The following JMJD1C variants were observed in gnomAD, a reference collection of about 807,000 sequenced individuals.
JMJD1C encodes the protein jumonji domain containing 1C, also known as jumonji domain-containing protein 1C.
Under a neutral mutation model 245.3 loss-of-function variants are expected in JMJD1C, and 31 were observed. The observed-to-expected ratio is 0.13, with a 90% CI of 0.09 to 0.17. The LOEUF (loss-of-function observed/expected upper bound fraction) is 0.17, where lower values mean the gene tolerates loss of function less well. Ranked by LOEUF, JMJD1C falls within the 10% of genes least tolerant of loss-of-function variation. The pLI is 1.00. For missense variants in JMJD1C, 2,691 were observed against 3,000.2 expected, an observed-to-expected ratio of 0.90 and a Z score of 2.41; for synonymous variants, 1,057 against 1,017.4, an observed-to-expected ratio of 1.04 and a Z score of -0.74.
chr10:63,421,629 CCT>C (rs1459833982), intron 1 of JMJD1C, among the ~76,000 whole-genome samples: 2 of 152,042 alleles, frequency 1.3e-5, no homozygotes, highest in African/African-American at 4.8e-5. Flanking sequence ...AGTCCTAACC[CCT>C]GATGTGTCTG....
At chr10:63,369,297 A>G (rs1351120112) in intron 2 of JMJD1C, among the ~76,000 whole-genome samples, 2 of 151,600 alleles carry the variant, frequency 1.3e-5, no homozygotes, top group African/African-American at 4.8e-5. Flanking sequence ...GTGCACCACC[A>G]CACCTGGCTA....
intron 1 of JMJD1C, among the ~76,000 whole-genome samples, chr10:63,416,818 T>C (rs912890157): frequency 6.6e-6 from 1 of 152,202 alleles, no homozygotes; most frequent in Non-Finnish European, 1.5e-5. Context: ...ACTGTATTCA[T>C]CAAATATGTA....
At chr10:63,518,082 C>A (rs533595626) in intron 1 of JMJD1C, among the ~76,000 whole-genome samples, 1 of 152,112 alleles carries the variant, frequency 6.6e-6, no homozygotes. Context: ...CATGAGCCAC[C>A]GCACCCAGCA....
At chr10:63,407,802 A>G (rs745352567) in intron 1 of JMJD1C, among the ~76,000 whole-genome samples, 1 of 151,020 alleles carries the variant, frequency 6.6e-6, no homozygotes, top group Non-Finnish European at 1.5e-5. Flanking sequence ...TCAAAATACA[A>G]CAATCTGGAG....
chr10:63,419,400 T>C (rs1222277790), intron 1 of JMJD1C, among the ~76,000 whole-genome samples: 1 of 151,192 alleles, frequency 6.6e-6, no homozygotes, highest in Non-Finnish European at 1.5e-5. Flanking sequence ...AAAAAATATA[T>C]ATATAGATAA....
intron 2 of JMJD1C, among the ~76,000 whole-genome samples, chr10:63,267,554 C>T (rs576461793): frequency 2.6e-5 from 4 of 152,148 alleles, no homozygotes; most frequent in Admixed American, 2.6e-4. Context: ...ATATATCATT[C>T]TATGAGTAAC....
At chr10:63,364,002 T>C (rs977627133) in intron 2 of JMJD1C, among the ~76,000 whole-genome samples, 2 of 151,934 alleles carry the variant, frequency 1.3e-5, no homozygotes, top group Non-Finnish European at 2.9e-5. Context: ...ATTACAGTAA[T>C]GCGCCACCAT....
intron 3 of JMJD1C, among the ~76,000 whole-genome samples, chr10:63,252,935 T>C (rs1251370235): frequency 6.6e-6 from 1 of 152,218 alleles, no homozygotes; most frequent in Non-Finnish European, 1.5e-5. Flanking sequence ...CTATATGTTA[T>C]AGCTCAGCAA....
At chr10:63,358,920 T>C (rs1448368421) in intron 2 of JMJD1C, 1 of 157,230 alleles carries the variant, frequency 6.4e-6, no homozygotes. Flanking sequence ...AAAATGAAGA[T>C]GACAGAAAAT....
intron 1 of JMJD1C, among the ~76,000 whole-genome samples, chr10:63,424,530 C>G (rs1397046747): frequency 4.1e-5 from 5 of 121,910 alleles, no homozygotes; most frequent in South Asian, 2.7e-4. Context: ...TTTTTGAGAC[C>G]GGGTCTCATT....
At chr10:63,421,746 A>G (rs549751185) in intron 1 of JMJD1C, among the ~76,000 whole-genome samples, 1 of 152,176 alleles carries the variant, frequency 6.6e-6, no homozygotes, top group Non-Finnish European at 1.5e-5. Context: ...TACTTTTAAG[A>G]GGAAGAAATA....
intron 3 of JMJD1C, among the ~76,000 whole-genome samples, chr10:63,257,618 T>C (rs1291572846): frequency 6.6e-6 from 1 of 152,236 alleles, no homozygotes; most frequent in Non-Finnish European, 1.5e-5. Context: ...AATAATTTTG[T>C]ACCTTATTGA....
At chr10:63,391,563 T>C (rs186545322) in intron 1 of JMJD1C, among the ~76,000 whole-genome samples, 16 of 151,996 alleles carry the variant, frequency 1.1e-4, no homozygotes, top group Admixed American at 8.5e-4. Context: ...CCATTTATAA[T>C]ACCTAAAGAA....
At chr10:63,489,872 C>A (rs1310364217) in intron 1 of JMJD1C, among the ~76,000 whole-genome samples, 1 of 152,164 alleles carries the variant, frequency 6.6e-6, no homozygotes, top group Non-Finnish European at 1.5e-5. Flanking sequence ...AGTACCAGTC[C>A]ATGGCTTGTT....
intron 8 of JMJD1C, among the ~76,000 whole-genome samples, chr10:63,210,295 T>C (rs1241830017): frequency 2.0e-5 from 3 of 152,108 alleles, no homozygotes; most frequent in East Asian, 1.9e-4. Context: ...TAGTGTCTTA[T>C]GCTTGTATTG....
At chr10:63,205,154 T>G (rs1173778120) in intron 10 of JMJD1C, 3 of 389,420 alleles carry the variant, frequency 7.7e-6, no homozygotes, top group Non-Finnish European at 1.1e-5. Context: ...ACAAAGGATA[T>G]ATAATCAGTT....
chr10:63,397,677 C>T (rs1948593748), intron 1 of JMJD1C, among the ~76,000 whole-genome samples: 1 of 150,514 alleles, frequency 6.6e-6, no homozygotes, highest in Non-Finnish European at 1.5e-5. Context: ...GGGATACAGT[C>T]ATGTGCCACC....
intron 22 of JMJD1C, among the ~76,000 whole-genome samples, chr10:63,179,970 T>A (rs1480889464): frequency 6.6e-6 from 1 of 152,198 alleles, no homozygotes; most frequent in Non-Finnish European, 1.5e-5. Flanking sequence ...TATTTTATAT[T>A]CAAACTTAGC....
intron 13 of JMJD1C, among the ~76,000 whole-genome samples, chr10:63,196,937 C>T (rs1845526716): frequency 6.6e-6 from 1 of 152,030 alleles, no homozygotes; most frequent in African/African-American, 2.4e-5. Flanking sequence ...ATTGGGACTA[C>T]AGGAACACAC....
Sources: allele counts gnomAD v4.1 joint callset (sites outside exome capture counted in the v4.1 genomes callset), GRCh38; gene constraint gnomAD v4.1.1; transcripts MANE v1.5; gene names NCBI Gene and HGNC (gene_info 2026-07-23, HGNC 2026-07-21).